Variants in FER observed in about 807,000 individuals in gnomAD.
FER encodes the protein FER tyrosine kinase.
In FER, 63 loss-of-function variants were observed where a neutral mutation model predicts 111.0. That is an observed-to-expected ratio of 0.57 (90% CI 0.46 to 0.70). The LOEUF is 0.70. FER is among the 30% of genes least tolerant of loss of function. The pLI, the probability that FER is intolerant of heterozygous loss-of-function variation, is 0.00. For synonymous variants in FER, 327 were observed against 313.9 expected, an observed-to-expected ratio of 1.04 and a Z score of -0.44; for missense variants, 914 against 954.0, an observed-to-expected ratio of 0.96 and a Z score of 0.55.
chr5:109,040,435 G>A (rs1457270241), intron 14 of FER, among the ~76,000 whole-genome samples: 1 of 152,068 alleles, frequency 6.6e-6, no homozygotes, highest in Non-Finnish European at 1.5e-5. Flanking sequence ...ATGATGCCTT[G>A]GAAGACAAGA....
chr5:108,835,774 G>A lies in FER; in HGVS notation c.448G>A (p.Ala150Thr). The change falls in exon 5 of 20, where the codon GCC becomes ACC. Residue 150 changes from alanine to threonine, a missense_variant. Physicochemically the swap from Ala to Thr is moderately conservative, Grantham distance 58 (BLOSUM62 0). Around this residue, in one of 3 missense-constraint regions of FER, gnomAD observed 774 missense variants for 782.6 expected, o/e 0.99. Coordinates refer to ENST00000281092, the MANE Select transcript of FER (RefSeq NM_005246.4). ...YRQLIKEMNS[A>T]KEKYKEALAK... ...ACAATTAATAAAAGAAATGAATTCT[G>A]CCAAAGAGAAATATAAAGAAGCTTT... 2 of 1,562,450 alleles carry A rather than the reference G, an allele frequency of 1.3e-6. No individual in the cohort carries two copies. Among genetic ancestry groups the A allele is most frequent in the Non-Finnish European group, 8.6e-7 (1 of 1,162,504 alleles).
intron 8 of FER, among the ~76,000 whole-genome samples, chr5:108,875,419 T>C (rs1311065762): frequency 6.6e-6 from 1 of 152,104 alleles, no homozygotes; most frequent in Non-Finnish European, 1.5e-5. Context: ...TGCATCTACC[T>C]TCTTTGCCAA....
intron 17 of FER, among the ~76,000 whole-genome samples, chr5:109,145,292 A>G (rs72796595): frequency 0.43 from 64,644 of 151,770 alleles, 14,057 homozygotes; most frequent in African/African-American, 0.46. Context: ...AAGTGACTCT[A>G]TTCCCAAAGA....
In FER at chr5:109,065,592, C is replaced by CATCCCGTA. The variant is rs371519657; in HGVS notation, c.1924+18399_1924+18406dup. On this transcript the variant is annotated intron_variant, in intron 16 of 19. Coordinates refer to ENST00000281092, the MANE Select transcript of FER (RefSeq NM_005246.4). ...GGTAAATCAGCTGAGCTTGGTGGCT[C>CATCCCGTA]ATCCCGTAATCCTAGCACTTTGGGA... Among the ~76,000 whole-genome samples, 90 of 152,282 alleles carry CATCCCGTA rather than the reference C, an allele frequency of 5.9e-4. No individual in the cohort carries two copies. The East Asian group carries it at 0.017, about 28-fold the overall frequency.
intron 17 of FER, among the ~76,000 whole-genome samples, chr5:109,113,104 G>C (rs1316293457): frequency 1.3e-5 from 2 of 152,132 alleles, no homozygotes; most frequent in Non-Finnish European, 2.9e-5. Context: ...TTCCATCACT[G>C]CTGAAACTAG....
At chr5:109,032,098 T>A (rs983984865) in intron 13 of FER, among the ~76,000 whole-genome samples, 1 of 152,118 alleles carries the variant, frequency 6.6e-6, no homozygotes, top group Non-Finnish European at 1.5e-5. Context: ...TTACACCCCT[T>A]CTCTACCAGC....
intron 5 of FER, among the ~76,000 whole-genome samples, chr5:108,852,131 G>C (rs975544686): frequency 6.6e-6 from 1 of 152,340 alleles, no homozygotes; most frequent in Non-Finnish European, 1.5e-5. Context: ...AGCAGACAGA[G>C]TAAGAGGATT....
At chr5:109,001,708 A>G (rs931024533) in intron 13 of FER, among the ~76,000 whole-genome samples, 1 of 152,218 alleles carries the variant, frequency 6.6e-6, no homozygotes, top group African/African-American at 2.4e-5. Flanking sequence ...CTGTTTGCAG[A>G]TGACATGATT....
chr5:109,086,357 C>A (rs568219900), intron 16 of FER, among the ~76,000 whole-genome samples: 2 of 151,736 alleles, frequency 1.3e-5, no homozygotes, highest in Non-Finnish European at 3.0e-5. Context: ...TCTGTAGGGC[C>A]TGTAAAGATG....
chr5:108,779,432 A>G (rs1328952710), intron 2 of FER, among the ~76,000 whole-genome samples: 1 of 152,162 alleles, frequency 6.6e-6, no homozygotes, highest in Non-Finnish European at 1.5e-5. Flanking sequence ...AACATGGAAT[A>G]TCTCTTCATT....
At chr5:108,931,318 T>A (rs1754639719) in intron 10 of FER, among the ~76,000 whole-genome samples, 1 of 152,192 alleles carries the variant, frequency 6.6e-6, no homozygotes, top group Non-Finnish European at 1.5e-5. Context: ...GTTTTTTCCA[T>A]GTATTTTTTT....
rs575304782 is a variant in FER at position 108,773,618 on chromosome 5, C to T, written c.-60+5380C>T. On this transcript the variant is annotated intron_variant, in intron 2 of 19. Transcript: ENST00000281092. ...CATTGATGGCCATTTAGGTTAATTCCGTGTCTTTGCTGTTGTGAATAGTGT... is the reference window on the plus strand; with the variant it reads ...CATTGATGGCCATTTAGGTTAATTCTGTGTCTTTGCTGTTGTGAATAGTGT... Among the ~76,000 whole-genome samples the T allele has an allele frequency of 7.2e-5, 11 of 151,832 alleles. No individual in the cohort carries two copies. The South Asian group carries it at 1.7e-3, about 23-fold the overall frequency.
chr5:108,785,863 G>C (rs1211787662), intron 2 of FER, among the ~76,000 whole-genome samples: 3 of 152,206 alleles, frequency 2.0e-5, no homozygotes, highest in Non-Finnish European at 4.4e-5. Flanking sequence ...CCTCTGTGCT[G>C]TTCTTCTTGT....
At chr5:108,937,675 A>G (rs1220657986) in intron 10 of FER, among the ~76,000 whole-genome samples, 1 of 151,994 alleles carries the variant, frequency 6.6e-6, no homozygotes, top group Non-Finnish European at 1.5e-5. Context: ...TAAATGTTTC[A>G]TGTAGGCATA....
chr5:109,135,185 G>A (rs1348295419), intron 17 of FER, among the ~76,000 whole-genome samples: 1 of 152,190 alleles, frequency 6.6e-6, no homozygotes, highest in African/African-American at 2.4e-5. Flanking sequence ...AAGCTGGAGG[G>A]ATGATAATAA....
At chr5:108,853,006 C>T (rs575013835) in intron 5 of FER, among the ~76,000 whole-genome samples, 1 of 152,200 alleles carries the variant, frequency 6.6e-6, no homozygotes, top group Admixed American at 6.5e-5. Context: ...AAGTTCTACA[C>T]ATGAAAAACT....
intron 2 of FER, among the ~76,000 whole-genome samples, chr5:108,774,921 C>T (rs1257722738): frequency 1.3e-5 from 2 of 152,180 alleles, no homozygotes; most frequent in East Asian, 3.9e-4. Context: ...TCAATTTTGG[C>T]TTTTGTTGCA....
intron 3 of FER, among the ~76,000 whole-genome samples, chr5:108,798,712 G>T (rs1026167860): frequency 6.6e-6 from 1 of 152,162 alleles, no homozygotes; most frequent in Non-Finnish European, 1.5e-5. Context: ...GCTGGGCGTG[G>T]TAGCATGTGA....
rs1478003514 is a variant in FER at position 109,194,113 on chromosome 5, T to G, written c.*6538T>G. 6.6e-6 allele frequency: 1 copy of G among 152,200 alleles called. No homozygotes were observed. The highest frequency in any genetic ancestry group is 2.4e-5 in the African/African-American group (1 of 41,464). The allele number at this position is 152,200 out of a possible 1,614,324, so 9.4% of individuals were successfully genotyped here. ...GACCAAGTAAGCTGATCAGGTGGCC[T>G]CCTCTACCCACTAAAGAAATGTGTA... On this transcript the variant is annotated 3_prime_UTR_variant, in exon 20 of 20. Coordinates refer to ENST00000281092, the MANE Select transcript of FER (RefSeq NM_005246.4).
Sources: allele counts gnomAD v4.1 joint callset (sites outside exome capture counted in the v4.1 genomes callset), GRCh38; gene constraint gnomAD v4.1.1; regional missense constraint gnomAD v4.1.1; transcripts MANE v1.5; gene names NCBI Gene and HGNC (gene_info 2026-07-23, HGNC 2026-07-21).